DSCAM: variants seen among roughly 807,000 people sequenced by gnomAD.
DSCAM encodes DS cell adhesion molecule.
DSCAM carries 47 observed loss-of-function variants against 217.7 expected under a neutral mutation model. That is an observed-to-expected ratio of 0.22 (90% CI 0.17 to 0.28). DSCAM has a LOEUF of 0.28. Ranked by LOEUF, DSCAM falls within the 10% of genes least tolerant of loss-of-function variation. The probability of loss-of-function intolerance (pLI) is 1.00; values close to 1 mark genes in which losing one functional copy is unlikely to be tolerated. For missense variants in DSCAM, 2,080 were observed against 2,618.3 expected, an observed-to-expected ratio of 0.79 and a Z score of 4.49; for synonymous variants, 1,056 against 1,015.3, an observed-to-expected ratio of 1.04 and a Z score of -0.76.
intron 3 of DSCAM, among the ~76,000 whole-genome samples, chr21:40,399,313 T>C (rs151304005): frequency 1.4e-5 from 2 of 143,652 alleles, no homozygotes; most frequent in Non-Finnish European, 3.1e-5. Flanking sequence ...AAACAAAACA[T>C]AGGAGTCCAA....
chr21:40,481,100 G>T (rs2075978229), intron 3 of DSCAM, among the ~76,000 whole-genome samples: 1 of 151,958 alleles, frequency 6.6e-6, no homozygotes, highest in Admixed American at 6.6e-5. Flanking sequence ...AATAAACTTG[G>T]GCATACACTT....
At chr21:40,397,132 A>T (rs2075186050) in intron 3 of DSCAM, among the ~76,000 whole-genome samples, 1 of 152,184 alleles carries the variant, frequency 6.6e-6, no homozygotes, top group East Asian at 1.9e-4. Context: ...CTGATCTTCT[A>T]TCTCCTTGGC....
At chr21:40,013,469 T>C in intron 32 of DSCAM, 83 bp from the exon 33 acceptor site, 1 of 1,066,508 alleles carries the variant, frequency 9.4e-7, no homozygotes, top group Non-Finnish European at 1.3e-6. Flanking sequence ...CGGGAAGCCA[T>C]GCGGGCTTTA....
chr21:40,356,388 G>T (rs2074693404), intron 4 of DSCAM, among the ~76,000 whole-genome samples: 1 of 147,306 alleles, frequency 6.8e-6, no homozygotes, highest in Non-Finnish European at 1.5e-5. Flanking sequence ...GCTTGATAGT[G>T]ATATATATAT....
intron 16 of DSCAM, among the ~76,000 whole-genome samples, chr21:40,165,324 CATT>C (rs1227821591): frequency 6.6e-6 from 1 of 152,276 alleles, no homozygotes; most frequent in East Asian, 1.9e-4. Flanking sequence ...TTTAAAAGCT[CATT>C]ATATAAACAG....
intron 3 of DSCAM, among the ~76,000 whole-genome samples, chr21:40,549,349 T>C (rs2076611241): frequency 6.6e-6 from 1 of 152,150 alleles, no homozygotes; most frequent in African/African-American, 2.4e-5. Flanking sequence ...TACATTTTCA[T>C]TCTGGAAAAC....
chr21:40,090,799 C>T (rs561666570), intron 21 of DSCAM, among the ~76,000 whole-genome samples: 5 of 152,344 alleles, frequency 3.3e-5, no homozygotes, highest in East Asian at 1.9e-4. Flanking sequence ...AGAGCCAGGA[C>T]ATGCCTCAGT....
In DSCAM at chr21:40,634,449, C is replaced by T. The variant is rs889931801; in HGVS notation, c.508+58361G>A. Among the ~76,000 whole-genome samples, 28 of 152,286 alleles carry T rather than the reference C, an allele frequency of 1.8e-4. 1 individual carries two copies. The highest frequency in any genetic ancestry group is 6.0e-4 in the African/African-American group (25 of 41,558). On this transcript the variant is annotated intron_variant, in intron 3 of 32. Transcript: ENST00000400454. The stretch of plus-strand genomic sequence containing the variant: ...TACTACACTCCCACTTGTGCACTTA[C>T]GGTTCTGTTTGCCTACAACACTCTT...
rs545280479 is a variant in DSCAM at position 40,143,136 on chromosome 21, G to A, written c.3260-432C>T. ...TTAGTAATATCTGGCATATAAATTG[G>A]AAGCTGAACCATTGTAAAGTGCTAA... On this transcript the variant is annotated intron_variant, in intron 17 of 32. Coordinates refer to ENST00000400454, the MANE Select transcript of DSCAM (RefSeq NM_001389.5). Among the ~76,000 whole-genome samples, 52 of 152,292 alleles carry A rather than the reference G, an allele frequency of 3.4e-4. 1 individual carries two copies. In the South Asian group the frequency reaches 4.1e-3, roughly 12 times the overall value.
chr21:40,046,412 A>T (rs2088841444), intron 30 of DSCAM, among the ~76,000 whole-genome samples: 1 of 137,422 alleles, frequency 7.3e-6, no homozygotes, highest in Non-Finnish European at 1.6e-5. Flanking sequence ...TCCACGGAAG[A>T]CTTCATTAGA....
intron 15 of DSCAM, among the ~76,000 whole-genome samples, chr21:40,176,226 G>A (rs1201491513): frequency 1.3e-5 from 2 of 152,120 alleles, no homozygotes; most frequent in Non-Finnish European, 2.9e-5. Context: ...GACAGGGGAA[G>A]AAGCACAACA....
At chr21:40,140,633 C>T (rs1006475175) in intron 18 of DSCAM, among the ~76,000 whole-genome samples, 4 of 152,122 alleles carry the variant, frequency 2.6e-5, no homozygotes. Flanking sequence ...GTAATGATAT[C>T]CTATGGTATT....
chr21:40,581,840 ATTTC>A lies in DSCAM; in HGVS notation c.508+110966_508+110969del, dbSNP rs1263494082. Among the ~76,000 whole-genome samples, 6 of 152,246 alleles carry A rather than the reference ATTTC, an allele frequency of 3.9e-5. No individual in the cohort carries two copies. In the South Asian group the frequency reaches 6.2e-4, roughly 16 times the overall value. ...TACAGTAACATTTTCATATAGAAGA[ATTTC>A]TTTCTTTTAATTTTTCCTTGTAAAA... is the stretch of plus-strand genomic sequence containing the variant. On this transcript the variant is annotated intron_variant, in intron 3 of 32. Transcript: ENST00000400454.
At chr21:40,756,999 G>A (rs1472287959) in intron 1 of DSCAM, among the ~76,000 whole-genome samples, 7 of 151,370 alleles carry the variant, frequency 4.6e-5, no homozygotes, top group Admixed American at 2.6e-4. Flanking sequence ...GTGTGTGTGT[G>A]TGTATGTGTG....
At chr21:40,505,087 C>A (rs1438970626) in intron 3 of DSCAM, among the ~76,000 whole-genome samples, 2 of 152,122 alleles carry the variant, frequency 1.3e-5, no homozygotes, top group African/African-American at 4.8e-5. Flanking sequence ...CTGTGTCCCA[C>A]CTCCTGGTTG....
At chr21:40,138,492 GGT>G (rs912952621) in intron 18 of DSCAM, among the ~76,000 whole-genome samples, 3 of 149,202 alleles carry the variant, frequency 2.0e-5, no homozygotes, top group Admixed American at 6.7e-5. Flanking sequence ...GGGTGTGTGT[GGT>G]GTGTGTGTGT....
chr21:40,654,917 C>T (rs1471915780), intron 3 of DSCAM, among the ~76,000 whole-genome samples: 1 of 152,168 alleles, frequency 6.6e-6, no homozygotes, highest in Non-Finnish European at 1.5e-5. Flanking sequence ...CTCTGCCTGC[C>T]ACACTTACTA....
At chr21:40,707,820 T>C (rs1438433819) in intron 2 of DSCAM, among the ~76,000 whole-genome samples, 1 of 152,180 alleles carries the variant, frequency 6.6e-6, no homozygotes, top group Non-Finnish European at 1.5e-5. Context: ...TGTCTGTGTA[T>C]CTCAGGCAGT....
intron 20 of DSCAM, among the ~76,000 whole-genome samples, chr21:40,097,057 G>A (rs2089685915): frequency 6.6e-6 from 1 of 151,856 alleles, no homozygotes; most frequent in Non-Finnish European, 1.5e-5. Context: ...CCAGCAGAAG[G>A]AAAATAATAC....
Sources: allele counts gnomAD v4.1 joint callset (sites outside exome capture counted in the v4.1 genomes callset), GRCh38; gene constraint gnomAD v4.1.1; transcripts MANE v1.5; gene names NCBI Gene and HGNC (gene_info 2026-07-23, HGNC 2026-07-21).